Variants in LCOR observed in about 807,000 individuals in gnomAD.
LCOR encodes ligand dependent nuclear receptor corepressor, also known as ligand-dependent corepressor.
LCOR carries 14 observed loss-of-function variants against 64.4 expected under a neutral mutation model. That is an observed-to-expected ratio of 0.22 (90% confidence interval 0.14 to 0.34). The LOEUF (loss-of-function observed/expected upper bound fraction) is 0.34. Ranked by LOEUF, LCOR falls within the 10% of genes least tolerant of loss-of-function variation. LCOR has a pLI of 1.00. For synonymous variants in LCOR, 643 were observed against 642.5 expected (o/e 1.00, Z -0.01); for missense variants, 1,686 against 1,765.3 (o/e 0.96, Z 0.80).
At chr10:96,940,014 T>A (rs865959873) in intron 4 of LCOR, among the ~76,000 whole-genome samples, 16 of 152,338 alleles carry the variant, frequency 1.1e-4, no homozygotes, top group Non-Finnish European at 1.9e-4. Flanking sequence ...GAAGGTATAA[T>A]GTGCCAATAA....
chr10:96,910,518 TG>T (rs1456349518), intron 4 of LCOR, among the ~76,000 whole-genome samples: 14 of 152,254 alleles, frequency 9.2e-5, no homozygotes. Flanking sequence ...GTGTTTATAT[TG>T]GAACTCTTTG....
intron 2 of LCOR, among the ~76,000 whole-genome samples, chr10:96,835,448 G>A (rs1845426478): frequency 6.6e-6 from 1 of 152,278 alleles, no homozygotes; most frequent in Admixed American, 6.5e-5. Context: ...ACTAAAATCA[G>A]TGGGGCCTCA....
chr10:96,877,007 T>C (rs905421465), intron 2 of LCOR, among the ~76,000 whole-genome samples: 2 of 152,132 alleles, frequency 1.3e-5, no homozygotes, highest in African/African-American at 2.4e-5. Flanking sequence ...CAGATGTATA[T>C]AAAAATTGTT....
chr10:96,839,050 A>G (rs1378445952), intron 2 of LCOR, among the ~76,000 whole-genome samples: 1 of 152,244 alleles, frequency 6.6e-6, no homozygotes, highest in East Asian at 1.9e-4. Context: ...TCAAAAAAAC[A>G]AGAAATAAAT....
chr10:96,959,930 C>G (rs1411134535), intron 7 of LCOR: 1 of 152,112 alleles, frequency 6.6e-6, no homozygotes, highest in Admixed American at 6.5e-5. Flanking sequence ...TTTACAATAT[C>G]GAAGTGCTTT....
chr10:96,942,646 C>T (rs1405543512), intron 4 of LCOR, among the ~76,000 whole-genome samples: 1 of 152,128 alleles, frequency 6.6e-6, no homozygotes, highest in Non-Finnish European at 1.5e-5. Flanking sequence ...ATGCTAAATA[C>T]ATATTTTGGT....
Position 96,962,880 on chromosome 10 carries a change from G to A in LCOR, c.332+10684G>A, listed in dbSNP as rs1019563174. On this transcript the variant is annotated intron_variant, in intron 7 of 7. Transcript: ENST00000421806. ...GTCCACATTGTTGAATAAAACTAAT[G>A]TTCTTAGGAATCCAGCTTGTACACA... The A allele has an allele frequency of 1.3e-5, 2 of 152,166 alleles. 1 individual carries two copies. Among genetic ancestry groups the A allele is most frequent in the South Asian group, 4.1e-4 (2 of 4,830 alleles). The allele number at this position is 152,166 out of a possible 1,614,324, so 9.4% of individuals were successfully genotyped here. A position where few individuals can be genotyped will look rare whatever the true frequency, so the allele number is the denominator to read the frequency against.
chr10:96,878,919 C>T (rs1846214714), intron 2 of LCOR, among the ~76,000 whole-genome samples: 1 of 152,092 alleles, frequency 6.6e-6, no homozygotes, highest in Non-Finnish European at 1.5e-5. Flanking sequence ...ACTTCAGCCT[C>T]CCAAGTAGCT....
chr10:96,843,551 C>T (rs1222005152), intron 2 of LCOR, among the ~76,000 whole-genome samples: 3 of 151,980 alleles, frequency 2.0e-5, no homozygotes, highest in Non-Finnish European at 4.4e-5. Context: ...GAAAGGATGA[C>T]GTAACTTGTT....
chr10:96,955,664 G>A, intron 7 of LCOR: 1 of 1,614,160 alleles, frequency 6.2e-7, no homozygotes, highest in South Asian at 1.1e-5. Flanking sequence ...GTTACAGACA[G>A]TACAACAGTG....
chr10:96,838,634 A>G (rs2134361019), intron 2 of LCOR, among the ~76,000 whole-genome samples: 1 of 152,328 alleles, frequency 6.6e-6, no homozygotes, highest in South Asian at 2.1e-4. Flanking sequence ...TTTAAGATTC[A>G]TTCATGTTGT....
At chr10:96,859,483 A>G (rs966489217) in intron 2 of LCOR, among the ~76,000 whole-genome samples, 1 of 151,918 alleles carries the variant, frequency 6.6e-6, no homozygotes, top group Non-Finnish European at 1.5e-5. Context: ...AAGTGCTAGG[A>G]TTATAGGTGC....
intron 2 of LCOR, among the ~76,000 whole-genome samples, chr10:96,849,762 A>G (rs1845694562): frequency 6.6e-6 from 1 of 152,064 alleles, no homozygotes; most frequent in South Asian, 2.1e-4. Context: ...TGTGCCCTCA[A>G]AGCGTAATAA....
At chr10:96,858,459 A>C (rs556404137) in intron 2 of LCOR, among the ~76,000 whole-genome samples, 1 of 152,342 alleles carries the variant, frequency 6.6e-6, no homozygotes, top group East Asian at 1.9e-4. Context: ...CTACAGGGTT[A>C]CTTACTGACA....
At chr10:96,960,549 A>G (rs1847863465) in intron 7 of LCOR, 1 of 152,224 alleles carries the variant, frequency 6.6e-6, no homozygotes. Flanking sequence ...GGCAATAGAC[A>G]GAATTGTGCT....
At chr10:96,873,738 G>A (rs935851684) in intron 2 of LCOR, among the ~76,000 whole-genome samples, 1 of 151,870 alleles carries the variant, frequency 6.6e-6, no homozygotes, top group African/African-American at 2.4e-5. Flanking sequence ...GAGTAGCTGG[G>A]ATTACAGGAG....
At chr10:96,875,967 C>T (rs1846157290) in intron 2 of LCOR, among the ~76,000 whole-genome samples, 1 of 150,272 alleles carries the variant, frequency 6.7e-6, no homozygotes, top group African/African-American at 2.5e-5. Flanking sequence ...AAAAGACCGA[C>T]TTATAAATAG....
intron 4 of LCOR, among the ~76,000 whole-genome samples, chr10:96,931,579 C>T (rs72819858): frequency 0.047 from 7,146 of 152,148 alleles, 259 homozygotes; most frequent in East Asian, 0.18. Context: ...CTTCTCCCTA[C>T]CACCTTCCAC....
Position 96,880,392 on chromosome 10 carries a change from TTTTTG to T in LCOR, c.-329-26852_-329-26848del, listed in dbSNP as rs542329389. Among the ~76,000 whole-genome samples the T allele has an allele frequency of 3.4e-3, 521 of 152,270 alleles. 3 individuals are homozygous for T. The highest frequency in any genetic ancestry group is 0.012 in the African/African-American group (487 of 41,554). On this transcript the variant is annotated intron_variant, in intron 2 of 7. Coordinates refer to ENST00000421806, the MANE Select transcript of LCOR (RefSeq NM_001346516.2). The stretch of plus-strand genomic sequence containing the variant: ...TGTTTAGGTTATCTATATTCCTTGT[TTTTTG>T]TTTTGTTTTGTTTTGTTTTGGGAAG...
Sources: allele counts gnomAD v4.1 joint callset (sites outside exome capture counted in the v4.1 genomes callset), GRCh38; gene constraint gnomAD v4.1.1; transcripts MANE v1.5; gene names NCBI Gene and HGNC (gene_info 2026-07-23, HGNC 2026-07-21).